The following PLCH2 variants were observed in gnomAD, a reference collection of about 807,000 sequenced individuals.
The protein encoded by PLCH2 is 1-phosphatidylinositol 4,5-bisphosphate phosphodiesterase eta-2.
Under a neutral mutation model 134.7 loss-of-function variants are expected in PLCH2, and 98 were observed. The observed-to-expected ratio is 0.73, with a 90% CI of 0.62 to 0.86. PLCH2 has a LOEUF of 0.86. Ranked by LOEUF, PLCH2 falls within the 40% of genes least tolerant of loss-of-function variation. The probability of loss-of-function intolerance (pLI) is 0.00; values close to 1 mark genes in which losing one functional copy is unlikely to be tolerated. For missense variants in PLCH2, 1,994 were observed against 1,986.6 expected, an observed-to-expected ratio of 1.00 and a Z score of -0.07; for synonymous variants, 974 against 827.5, an observed-to-expected ratio of 1.18 and a Z score of -3.04.
At chr1:2,483,827 C>T (rs1382074734) in intron 4 of PLCH2, among the ~76,000 whole-genome samples, 1 of 115,942 alleles carries the variant, frequency 8.6e-6, no homozygotes. Context: ...CGCTGACCCC[C>T]GTGTGGGGGT....
the PLCH2 span, among the ~76,000 whole-genome samples, chr1:2,416,130 A>G: frequency 6.6e-6 from 1 of 152,118 alleles, no homozygotes; most frequent in African/African-American, 2.4e-5. Flanking sequence ...GCACCACCGG[A>G]ACAGGGGACT....
the PLCH2 span, among the ~76,000 whole-genome samples, chr1:2,418,621 G>A: frequency 6.6e-6 from 1 of 152,226 alleles, no homozygotes; most frequent in African/African-American, 2.4e-5. Flanking sequence ...GGCTCCCCAC[G>A]AGGCTGCTCC....
At chr1:2,464,939 G>A (rs141361471), upstream of PLCH2, among the ~76,000 whole-genome samples, 436 of 152,318 alleles carry the variant, frequency 2.9e-3, 7 homozygotes, top group Non-Finnish European at 4.4e-3. Flanking sequence ...TGCAGGAGGC[G>A]TTAGGGGCTC....
rs138184842 is a variant in PLCH2, at chr1:2,426,632, G to A, written c.-178+595G>A. 1.6e-3 allele frequency among the ~76,000 whole-genome samples: 242 copies of A among 152,356 alleles called. 1 individual carries two copies. Among genetic ancestry groups the A allele is most frequent in the South Asian group, 9.9e-3 (48 of 4,830 alleles). ...CCCCTCCCTCTGTCTCCAGAGTGCC[G>A]GCGAGCTGGGCGGGCTCCACTCCCT... On this transcript the variant is annotated intron_variant, in intron 1 of 3. Coordinates refer to the PLCH2 transcript ENST00000609981.
At chr1:2,426,627 G>A (rs776580557) in intron 1 of PLCH2, among the ~76,000 whole-genome samples, 1 of 152,264 alleles carries the variant, frequency 6.6e-6, no homozygotes, top group Non-Finnish European at 1.5e-5. Flanking sequence ...TGTCTCCAGA[G>A]TGCCGGCGAG....
In PLCH2 at chr1:2,439,155, C is replaced by T. The variant is rs1490913193; in HGVS notation, c.115+8526C>T. 2.0e-5 allele frequency among the ~76,000 whole-genome samples: 3 copies of T among 152,246 alleles called. No homozygotes were observed. The highest frequency in any genetic ancestry group is 4.8e-5 in the African/African-American group (2 of 41,466). ...GGGGACCCTGGGCAGGTGCCTTTCT[C>T]TCTTTGTGCCTCAGTTTCCCCCTCA... On this transcript the variant is annotated intron_variant, in intron 2 of 3. Transcript: ENST00000609981. This position sits in a 1 kb window ranked among gnomAD's most constrained non-coding sequence, Gnocchi z 4.7.
Position 2,439,357 on chromosome 1 carries a change from G to C in PLCH2, c.115+8728G>C, listed in dbSNP as rs1639582962. Among the ~76,000 whole-genome samples the C allele has an allele frequency of 7.0e-6, 1 of 142,598 alleles. No homozygotes were observed. Among genetic ancestry groups the C allele is most frequent in the South Asian group, 2.6e-4 (1 of 3,884 alleles). 93.5% of individuals were successfully genotyped at this position (142,598 alleles called of 152,430 possible). On this transcript the variant is annotated intron_variant, in intron 2 of 3. Transcript: ENST00000609981. The surrounding 1 kb of genome is among the most constrained non-coding windows in gnomAD (Gnocchi z 4.7). ...TGCCCACCCACCCCAGTGCTGGCCA[G>C]ACCTGGTCCCCGACCCCAGGGCTGC...
intron 2 of PLCH2, chr1:2,479,484 C>A: frequency 2.2e-6 from 1 of 453,254 alleles, no homozygotes; most frequent in African/African-American, 1.9e-5. Context: ...GGTGGATGCT[C>A]TCCCTCGTGG....
intron 2 of PLCH2, among the ~76,000 whole-genome samples, chr1:2,445,955 G>A (rs567856110): frequency 5.9e-5 from 9 of 152,304 alleles, no homozygotes; most frequent in African/African-American, 1.7e-4. Context: ...CCGTCTGTCC[G>A]GGAACGGAGG....
In PLCH2 at chr1:2,504,601, TCCCATA is replaced by T. The variant is rs766376477; in HGVS notation, c.3642_3647del (p.Ile1215_Pro1216del). On this transcript the variant is annotated inframe_deletion, in exon 22 of 22. Coordinates refer to ENST00000378486, the MANE Select transcript of PLCH2 (RefSeq NM_014638.4). The stretch of plus-strand genomic sequence containing the variant: ...ACCTTCGGGCTACAGGCCAGCGGCC[TCCCATA>T]CCTGACGAACTGCAGCCCAGGTCCC... The T allele has an allele frequency of 1.4e-5, 23 of 1,612,706 alleles. No homozygotes were observed. Among genetic ancestry groups the T allele is most frequent in the Non-Finnish European group, 1.8e-5 (21 of 1,179,800 alleles).
intron 2 of PLCH2, among the ~76,000 whole-genome samples, chr1:2,440,817 T>G (rs1228671247): frequency 6.6e-6 from 1 of 152,200 alleles, no homozygotes. Context: ...GGAGGCCAGG[T>G]TTCTGTCTCA....
chr1:2,426,974 G>T (rs1044794414), intron 1 of PLCH2, among the ~76,000 whole-genome samples: 5 of 152,198 alleles, frequency 3.3e-5, no homozygotes, highest in Admixed American at 2.0e-4. Context: ...CTGGGAGAGT[G>T]GGGAGGACTG....
chr1:2,486,868 G>A (rs767512837), intron 5 of PLCH2, 39 bp from the exon 6 acceptor site: 5 of 1,518,354 alleles, frequency 3.3e-6, no homozygotes, highest in East Asian at 4.8e-5. Flanking sequence ...CCCAGGCCAG[G>A]GATGGGCTGC....
intron 20 of PLCH2, 35 bp downstream of exon 20, chr1:2,499,755 G>C (rs1429794147): frequency 6.7e-7 from 1 of 1,483,316 alleles, no homozygotes; most frequent in South Asian, 1.2e-5. Context: ...CCATCATGGG[G>C]AGGGGCCACA....
At position 2,496,617 on chromosome 1, in the gene PLCH2, CAGA is replaced by C. The variant is rs760106184; in HGVS notation, c.1853_1855del (p.Lys618del). 295 of 1,611,020 alleles carry C rather than the reference CAGA, an allele frequency of 1.8e-4. No homozygotes were observed. The highest frequency in any genetic ancestry group is 4.3e-5 in the Non-Finnish European group (51 of 1,179,054). On this transcript the variant is annotated inframe_deletion, in exon 14 of 22. Coordinates refer to ENST00000378486, the MANE Select transcript of PLCH2 (RefSeq NM_014638.4). The stretch of plus-strand genomic sequence containing the variant: ...CTGCACCTGCCACAGGGCGACCCGG[CAGA>C]AGAAGACCATGAAGCTGTCCCGGGC...
Position 2,487,182 on chromosome 1 carries a change from A to C in PLCH2, c.920A>C (p.Asn307Thr). 1 of 1,568,224 alleles carries C rather than the reference A, an allele frequency of 6.4e-7. No individual in the cohort carries two copies. The highest frequency in any genetic ancestry group is 1.4e-5 in the African/African-American group (1 of 73,894). Residue 307 changes from asparagine to threonine, a missense_variant, in exon 7 of 22, where the codon AAC (asparagine) becomes ACC (threonine). By Grantham distance (65) the Asn-to-Thr change is moderately conservative. Coordinates refer to ENST00000378486, the MANE Select transcript of PLCH2 (RefSeq NM_014638.4). ...CCACGCCGTCCTGCAGGCTTCACCAACTACACCAGGAGCCCTGCTGGTGAC... is the reference window on the plus strand; with the variant it reads ...CCACGCCGTCCTGCAGGCTTCACCACCTACACCAGGAGCCCTGCTGGTGAC... ...KGLLGIDGFT[N>T]YTRSPAGDIF... is the part of the protein sequence containing the mutation.
chr1:2,487,845 G>A, intron 8 of PLCH2, 127 bp downstream of exon 8: 1 of 911,680 alleles, frequency 1.1e-6, no homozygotes, highest in South Asian at 1.7e-5. Flanking sequence ...CCAGGGGGCT[G>A]GTTTCATTCT....
At chr1:2,499,545 TG>T (rs1297619447) in intron 19 of PLCH2, 95 bp from the exon 20 acceptor site, 4 of 938,726 alleles carry the variant, frequency 4.3e-6, no homozygotes, top group South Asian at 1.4e-5. Context: ...TGGGTGTATC[TG>T]GGGTCTTGGG....
chr1:2,491,169 A>C (rs1202920483), intron 10 of PLCH2, 23 bp from the exon 11 acceptor site: 1 of 1,605,096 alleles, frequency 6.2e-7, no homozygotes. Flanking sequence ...AGATGCCAAC[A>C]GGCCGGCCTC....
Sources: allele counts gnomAD v4.1 joint callset (sites outside exome capture counted in the v4.1 genomes callset), GRCh38; gene constraint gnomAD v4.1.1; non-coding constraint Gnocchi (gnomAD v3.1); transcripts MANE v1.5; gene names NCBI Gene and HGNC (gene_info 2026-07-23, HGNC 2026-07-21).